POU3F3: variants seen among roughly 807,000 people sequenced by gnomAD.
The protein encoded by POU3F3 is POU class 3 homeobox 3, also known as POU domain, class 3, transcription factor 3.
A neutral mutation model predicts 8.6 loss-of-function variants in POU3F3; 1 was observed. The ratio of observed to expected loss-of-function variants is 0.12; its 90% CI spans 0.04 to 0.55. POU3F3 has a LOEUF of 0.55. Among genes scored for constraint, POU3F3 ranks in the 20% least tolerant of loss-of-function variants. The pLI is 0.91. For missense variants in POU3F3, 577 were observed against 690.7 expected (o/e 0.84, Z 1.84); for synonymous variants, 418 against 327.4 (o/e 1.28, Z -2.99).
In POU3F3 at chr2:104,857,739, G is replaced by C. The variant is rs188775926; in HGVS notation, c.*726G>C. 1 of 151,662 alleles carries C rather than the reference G, an allele frequency of 6.6e-6. No homozygotes were observed. The highest frequency in any genetic ancestry group is 6.6e-5 in the Admixed American group (1 of 15,104). The allele number at this position is 151,662 out of a possible 1,614,324, so 9.4% of individuals were successfully genotyped here. ...AACAAATCAACTCTGAAATGGGAAG[G>C]AGGGGGGAAAAACAGTCTCCAAGAA... is the stretch of plus-strand genomic sequence containing the variant. On this transcript the variant is annotated 3_prime_UTR_variant, in exon 1 of 1. Transcript: ENST00000361360.
the POU3F3 span, chr2:104,868,125 C>T: frequency 2.7e-6 from 1 of 376,174 alleles, no homozygotes. Context: ...AAAAAAATCA[C>T]CCGGATGACC....
chr2:104,898,692 T>C, the POU3F3 span, among the ~76,000 whole-genome samples: 1 of 152,198 alleles, frequency 6.6e-6, no homozygotes, highest in Non-Finnish European at 1.5e-5. Flanking sequence ...CACTTTGAAT[T>C]TTTCTGCTTG....
chr2:104,887,151 G>A, the POU3F3 span, among the ~76,000 whole-genome samples: 1 of 152,178 alleles, frequency 6.6e-6, no homozygotes, highest in Admixed American at 6.5e-5. Context: ...GTGTAGCAGA[G>A]AGGACAACCA....
the POU3F3 span, among the ~76,000 whole-genome samples, chr2:104,881,280 C>A: frequency 2.0e-5 from 3 of 152,038 alleles, no homozygotes; most frequent in Non-Finnish European, 4.4e-5. Context: ...ACCTCCACCC[C>A]CTCAGTGACT....
In POU3F3 at chr2:104,855,745, C is replaced by A; in HGVS notation, c.235C>A (p.Gln79Lys). Residue 79 changes from glutamine (Q) to lysine (K), a missense_variant, in exon 1 of 1, where the codon CAG becomes AAG. Coordinates refer to ENST00000361360, the MANE Select transcript of POU3F3 (RefSeq NM_006236.3). ...CAAGATGGTCCAGAGCGACTTCATG[C>A]AGGGGGCCATGGCCGCCAGCAACGG... is the stretch of plus-strand genomic sequence containing the variant. ...SVKMVQSDFM[Q>K]GAMAASNGGH... 7.6e-7 allele frequency: 1 copy of A among 1,312,218 alleles called. No homozygotes were observed. The highest frequency in any genetic ancestry group is 1.3e-5 in the South Asian group (1 of 77,012). The allele number at this position is 1,312,218 out of a possible 1,614,324, so 81.3% of individuals were successfully genotyped here.
chr2:104,913,207 G>T, the POU3F3 span, among the ~76,000 whole-genome samples: 1 of 150,580 alleles, frequency 6.6e-6, no homozygotes, highest in African/African-American at 2.4e-5. Context: ...TTTTTTTAAA[G>T]AATAGATTCC....
the POU3F3 span, among the ~76,000 whole-genome samples, chr2:104,892,677 G>A: frequency 4.6e-5 from 7 of 150,850 alleles, no homozygotes; most frequent in East Asian, 9.8e-4. Flanking sequence ...ATACACATAT[G>A]TGTGTGTGTG....
At chr2:104,890,819 A>G in the POU3F3 span, among the ~76,000 whole-genome samples, 1 of 152,310 alleles carries the variant, frequency 6.6e-6, no homozygotes, top group Non-Finnish European at 1.5e-5. Flanking sequence ...CATGTTCATC[A>G]CGGACGTTTG....
At chr2:104,872,207 C>T in the POU3F3 span, 1 of 456,320 alleles carries the variant, frequency 2.2e-6, no homozygotes, top group Non-Finnish European at 4.4e-6. This position sits in a 1 kb window ranked among gnomAD's most constrained non-coding sequence, Gnocchi z 4.6. Context: ...TCTCCTCAGC[C>T]CTGCTCCTCC....
At chr2:104,893,374 C>T in the POU3F3 span, among the ~76,000 whole-genome samples, 9 of 152,272 alleles carry the variant, frequency 5.9e-5, no homozygotes, top group Admixed American at 2.6e-4. Flanking sequence ...CAGTGAGCTA[C>T]TTGGATCAGC....
chr2:104,903,395 A>T, the POU3F3 span, among the ~76,000 whole-genome samples: 5 of 152,128 alleles, frequency 3.3e-5, no homozygotes, highest in Admixed American at 1.3e-4. Context: ...TGAGAATCTG[A>T]ATTATTTATC....
chr2:104,881,507 ATCCTCTCTCTTTCTG>A, the POU3F3 span, among the ~76,000 whole-genome samples: 9 of 151,974 alleles, frequency 5.9e-5, no homozygotes, highest in Admixed American at 2.6e-4. Context: ...CGTTCAATGC[ATCCTCTCTCTTTCTG>A]TCCTCTCTCT....
the POU3F3 span, among the ~76,000 whole-genome samples, chr2:104,886,485 T>C: frequency 6.6e-6 from 1 of 152,122 alleles, no homozygotes; most frequent in Non-Finnish European, 1.5e-5. Context: ...CTGTGATGTT[T>C]GCACAACAAG....
At chr2:104,905,190 T>C in the POU3F3 span, among the ~76,000 whole-genome samples, 7 of 152,354 alleles carry the variant, frequency 4.6e-5, no homozygotes, top group South Asian at 1.4e-3. Flanking sequence ...TGATTGATTT[T>C]GTTGGATTCC....
At chr2:104,921,997 A>G in the POU3F3 span, among the ~76,000 whole-genome samples, 1 of 152,202 alleles carries the variant, frequency 6.6e-6, no homozygotes, top group African/African-American at 2.4e-5. Context: ...ACTCCATCTC[A>G]AAGAATGAAA....
At chr2:104,914,582 C>A in the POU3F3 span, among the ~76,000 whole-genome samples, 2 of 152,114 alleles carry the variant, frequency 1.3e-5, no homozygotes, top group Non-Finnish European at 2.9e-5. Flanking sequence ...ATTAAGTAGC[C>A]AAGATCCCAG....
the POU3F3 span, chr2:104,872,218 T>G: frequency 4.4e-6 from 2 of 456,490 alleles, no homozygotes. This position sits in a 1 kb window ranked among gnomAD's most constrained non-coding sequence, Gnocchi z 4.6. Flanking sequence ...CTGCTCCTCC[T>G]GTCCGCTCCC....
At chr2:104,897,399 C>T in the POU3F3 span, among the ~76,000 whole-genome samples, 2 of 152,188 alleles carry the variant, frequency 1.3e-5, no homozygotes, top group Admixed American at 1.3e-4. Flanking sequence ...GGTAGAACCA[C>T]ACCTGGGAGA....
Position 104,856,077 on chromosome 2 carries a change from GGCCGCCGCTGCCGCAGCCGCAGCCGCC to G in POU3F3, c.576_602del (p.Ala196_Ala204del), listed in dbSNP as rs1333368031. On this transcript the variant is annotated inframe_deletion, in exon 1 of 1. Transcript: ENST00000361360. ...AGGGCCACCCTGGGGGCTGGGGGGCGGCCGCCGCTGCCGCAGCCGCAGCCGCCGCCGCCGCCGCCGCCGCGCACCTCC... is the reference window on the plus strand; with the variant it reads ...AGGGCCACCCTGGGGGCTGGGGGGCGGCCGCCGCCGCCGCCGCGCACCTCC... The G allele has an allele frequency of 4.0e-6, 4 of 1,010,284 alleles. No homozygotes were observed. The highest frequency in any genetic ancestry group is 4.7e-6 in the Non-Finnish European group (4 of 853,656). The allele number at this position is 1,010,284 out of a possible 1,614,324, so 62.6% of individuals were successfully genotyped here.
Sources: gnomAD v4.1 joint callset for allele counts (sites outside exome capture counted in the v4.1 genomes callset) on GRCh38, gnomAD v4.1.1 for gene constraint, Gnocchi (gnomAD v3.1) non-coding constraint, MANE v1.5 for transcripts, NCBI Gene and HGNC (gene_info 2026-07-23, HGNC 2026-07-21) for gene names.